The following CRY1 variants were observed in gnomAD, a reference collection of about 807,000 sequenced individuals.
The protein encoded by CRY1 is cryptochrome-1.
In CRY1, 45 loss-of-function variants were observed where a neutral mutation model predicts 76.0. The ratio of observed to expected loss-of-function variants is 0.59; its 90% CI spans 0.47 to 0.76. The LOEUF (loss-of-function observed/expected upper bound fraction) is 0.76, where lower values mean the gene tolerates loss of function less well. Ranked by LOEUF, CRY1 falls within the 30% of genes least tolerant of loss-of-function variation. The pLI, the probability that CRY1 is intolerant of heterozygous loss-of-function variation, is 0.00. For synonymous variants in CRY1, 248 were observed against 244.0 expected (o/e 1.02, Z -0.15); for missense variants, 587 against 716.4 (o/e 0.82, Z 2.06).
intron 2 of CRY1, among the ~76,000 whole-genome samples, chr12:107,015,649 G>A (rs1042587515): frequency 2.2e-4 from 33 of 152,052 alleles, no homozygotes; most frequent in African/African-American, 8.0e-4. Flanking sequence ...ACTGCAAATA[G>A]CACCAACATA....
intron 2 of CRY1, among the ~76,000 whole-genome samples, chr12:107,006,152 G>T (rs747126625): frequency 6.6e-6 from 1 of 152,088 alleles, no homozygotes; most frequent in African/African-American, 2.4e-5. Flanking sequence ...CTGGGAGGCT[G>T]GGGTGGGTGG....
chr12:107,089,387 T>C (rs929896387), intron 1 of CRY1, among the ~76,000 whole-genome samples: 2 of 152,060 alleles, frequency 1.3e-5, no homozygotes, highest in African/African-American at 4.8e-5. Context: ...CAGGCTGGAG[T>C]GCAGTAGCCC....
chr12:107,023,177 C>T (rs1435202054), intron 1 of CRY1, among the ~76,000 whole-genome samples: 1 of 152,090 alleles, frequency 6.6e-6, no homozygotes, highest in African/African-American at 2.4e-5. Flanking sequence ...ATTTGTCTGC[C>T]TTTTTCACAG....
chr12:107,000,972 G>A (rs1952301912), intron 5 of CRY1, among the ~76,000 whole-genome samples: 1 of 152,048 alleles, frequency 6.6e-6, no homozygotes, highest in Admixed American at 6.6e-5. Flanking sequence ...TTAACACAAA[G>A]GTAAAGGTGA....
At chr12:107,016,721 C>T (rs964627414) in intron 2 of CRY1, among the ~76,000 whole-genome samples, 10 of 152,296 alleles carry the variant, frequency 6.6e-5, no homozygotes, top group African/African-American at 2.2e-4. Context: ...TCAACATGTA[C>T]ATTAACATGC....
chr12:107,081,570 T>C (rs1953325472), intron 1 of CRY1, among the ~76,000 whole-genome samples: 1 of 152,074 alleles, frequency 6.6e-6, no homozygotes, highest in South Asian at 2.1e-4. Context: ...TTCTGTTTTA[T>C]TCAATACTGT....
chr12:107,000,271 G>A (rs577369424), intron 5 of CRY1, among the ~76,000 whole-genome samples, 189 bp from the exon 6 acceptor site: 6 of 151,970 alleles, frequency 3.9e-5, no homozygotes, highest in African/African-American at 1.2e-4. Flanking sequence ...TGTTTCAGTC[G>A]TCCTTGTGCA....
intron 1 of CRY1, among the ~76,000 whole-genome samples, chr12:107,042,288 T>C (rs944735095): frequency 1.3e-5 from 2 of 152,198 alleles, no homozygotes; most frequent in African/African-American, 4.8e-5. Context: ...AAATTCATGG[T>C]TGAATGTTTA....
At chr12:107,011,465 A>G (rs1593501144) in intron 2 of CRY1, among the ~76,000 whole-genome samples, 1 of 152,318 alleles carries the variant, frequency 6.6e-6, no homozygotes, top group East Asian at 1.9e-4. Context: ...AAGGAAATTA[A>G]AAGTGCTACT....
intron 2 of CRY1, among the ~76,000 whole-genome samples, chr12:107,016,841 C>T (rs558140816): frequency 6.6e-6 from 1 of 152,270 alleles, no homozygotes; most frequent in African/African-American, 2.4e-5. Flanking sequence ...TTCTGCCATG[C>T]GTCCAGGCTA....
chr12:106,994,498 T>TCATGTCTTTA (rs771187877), intron 10 of CRY1, among the ~76,000 whole-genome samples: 5 of 152,202 alleles, frequency 3.3e-5, no homozygotes, highest in Non-Finnish European at 7.4e-5. Context: ...TTTTCATGTC[T>TCATGTCTTTA]CATGTCTTTT....
At chr12:107,045,360 C>T (rs920363913) in intron 1 of CRY1, among the ~76,000 whole-genome samples, 16 of 152,130 alleles carry the variant, frequency 1.1e-4, no homozygotes, top group African/African-American at 3.9e-4. Context: ...ATAAGGCTTA[C>T]AAGAAATTCT....
intron 1 of CRY1, among the ~76,000 whole-genome samples, chr12:107,053,553 G>A (rs907815278): frequency 6.6e-6 from 1 of 152,086 alleles, no homozygotes; most frequent in Admixed American, 6.6e-5. Context: ...TCCAACCTCA[G>A]GTGATTTGCC....
At chr12:107,022,528 T>C (rs1468336933) in intron 1 of CRY1, among the ~76,000 whole-genome samples, 1 of 152,056 alleles carries the variant, frequency 6.6e-6, no homozygotes. Flanking sequence ...AAATATTTTC[T>C]GTATGAAAAT....
At chr12:107,061,541 G>A (rs9630285) in intron 1 of CRY1, among the ~76,000 whole-genome samples, 6,626 of 151,720 alleles carry the variant, frequency 0.044, 270 homozygotes, top group African/African-American at 0.11. Context: ...CACCACGCCC[G>A]GCTAATTTTT....
intron 10 of CRY1, 79 bp downstream of exon 10, chr12:106,997,215 T>A (rs1397815458): frequency 4.0e-6 from 5 of 1,239,742 alleles, no homozygotes; most frequent in Non-Finnish European, 5.9e-6. Flanking sequence ...ATAAAATATG[T>A]TAGTGAGGAT....
chr12:107,030,677 A>G (rs1339620027), intron 1 of CRY1, among the ~76,000 whole-genome samples: 2 of 151,978 alleles, frequency 1.3e-5, no homozygotes, highest in Non-Finnish European at 2.9e-5. Flanking sequence ...CAGTAATGAT[A>G]TCTACCACAA....
chr12:107,080,428 G>A (rs562093034), intron 1 of CRY1, among the ~76,000 whole-genome samples: 1 of 152,134 alleles, frequency 6.6e-6, no homozygotes, highest in East Asian at 1.9e-4. Context: ...GGGCATAGAC[G>A]AGTAAATGGT....
At chr12:107,033,067 A>G (rs1176866805) in intron 1 of CRY1, among the ~76,000 whole-genome samples, 3 of 152,174 alleles carry the variant, frequency 2.0e-5, no homozygotes, top group Non-Finnish European at 4.4e-5. Flanking sequence ...AATTTTTTAA[A>G]AAGTGGGGAC....
Sources: allele counts gnomAD v4.1 joint callset (sites outside exome capture counted in the v4.1 genomes callset), GRCh38; gene constraint gnomAD v4.1.1; transcripts MANE v1.5; gene names NCBI Gene and HGNC (gene_info 2026-07-23, HGNC 2026-07-21).